Variants in ITGA11 observed in about 807,000 individuals in gnomAD.
ITGA11 encodes integrin alpha-11.
In ITGA11, 97 loss-of-function variants were observed where a neutral mutation model predicts 141.9. The ratio of observed to expected loss-of-function variants is 0.68; its 90% CI spans 0.58 to 0.81. The LOEUF is 0.81. Among genes scored for constraint, ITGA11 ranks in the 30% least tolerant of loss-of-function variants. The pLI, the probability that ITGA11 is intolerant of heterozygous loss-of-function variation, is 0.00. For missense variants in ITGA11, 1,387 were observed against 1,559.2 expected (o/e 0.89, Z 1.86); for synonymous variants, 658 against 624.6 (o/e 1.05, Z -0.80).
In ITGA11 at chr15:68,303,898, G is replaced by C. The variant is rs746568016; in HGVS notation, c.3382-13C>G. 1.9e-6 allele frequency: 3 copies of C among 1,577,574 alleles called. No individual in the cohort carries two copies. Among genetic ancestry groups the C allele is most frequent in the East Asian group, 2.2e-5 (1 of 44,524 alleles). On this transcript the variant is annotated splice_polypyrimidine_tract_variant and intron_variant, in intron 28 of 29. Coordinates refer to ENST00000315757, the MANE Select transcript of ITGA11 (RefSeq NM_001004439.2). This position sits in a 1 kb window ranked among gnomAD's most constrained non-coding sequence, Gnocchi z 5.3. ...TCTCAAACACGATCTGCAAGGGGAG[G>C]GGGGCCGGGCCAACAGCATTACTCT...
At chr15:68,347,037 C>A (rs1158323772) in intron 10 of ITGA11, among the ~76,000 whole-genome samples, 2 of 152,222 alleles carry the variant, frequency 1.3e-5, no homozygotes, top group Non-Finnish European at 1.5e-5. Context: ...TGGCAAGAAT[C>A]ATTTCCGGGT....
chr15:68,421,401 C>T (rs1304848630), intron 1 of ITGA11, among the ~76,000 whole-genome samples: 4 of 152,140 alleles, frequency 2.6e-5, no homozygotes, highest in African/African-American at 4.8e-5. Flanking sequence ...CCAGATCACA[C>T]GGGACCTCTT....
intron 10 of ITGA11, among the ~76,000 whole-genome samples, chr15:68,344,915 G>T (rs1180482205): frequency 6.6e-6 from 1 of 152,156 alleles, no homozygotes; most frequent in Non-Finnish European, 1.5e-5. Flanking sequence ...GGATTCCAGT[G>T]TAGGAAGGCG....
chr15:68,315,817 G>T, intron 21 of ITGA11, 90 bp from the exon 22 acceptor site: 2 of 1,101,054 alleles, frequency 1.8e-6, no homozygotes, highest in Non-Finnish European at 2.6e-6. Flanking sequence ...CTGCTGGCTT[G>T]GGGAGAGGGA....
chr15:68,313,244 C>T (rs1045364075), intron 23 of ITGA11, among the ~76,000 whole-genome samples: 3 of 151,740 alleles, frequency 2.0e-5, no homozygotes, highest in Admixed American at 1.3e-4. Context: ...TGCTGTTCTG[C>T]CCTGACTTCT....
intron 2 of ITGA11, among the ~76,000 whole-genome samples, chr15:68,388,307 C>T (rs774172724): frequency 1.2e-4 from 18 of 152,114 alleles, no homozygotes; most frequent in Non-Finnish European, 1.8e-4. Context: ...ACTTGTCATT[C>T]CTTCTGCCTG....
At position 68,339,495 on chromosome 15, in the gene ITGA11, C is replaced by G; in HGVS notation, c.1276+5G>C. On this transcript the variant is annotated splice_donor_5th_base_variant and intron_variant, in intron 11 of 29. Coordinates refer to ENST00000315757, the MANE Select transcript of ITGA11 (RefSeq NM_001004439.2). ...CGCCAGCCTCCCCTCACTCTGCGCT[C>G]TTACCCAGGTATGCACCATGGTTCT... 6.2e-7 allele frequency: 1 copy of G among 1,611,614 alleles called. No individual in the cohort carries two copies. The highest frequency in any genetic ancestry group is 8.5e-7 in the Non-Finnish European group (1 of 1,178,850).
At chr15:68,401,856 T>G (rs965287103) in intron 2 of ITGA11, among the ~76,000 whole-genome samples, 1 of 152,158 alleles carries the variant, frequency 6.6e-6, no homozygotes, top group Admixed American at 6.5e-5. Flanking sequence ...GGTAGAAAGA[T>G]AATAAGTAAG....
chr15:68,338,782 T>C (rs1894456952), intron 11 of ITGA11, among the ~76,000 whole-genome samples: 1 of 152,196 alleles, frequency 6.6e-6, no homozygotes, highest in Non-Finnish European at 1.5e-5. Flanking sequence ...GAGGCCTCAA[T>C]GAGGAGTAAC....
intron 1 of ITGA11, among the ~76,000 whole-genome samples, chr15:68,407,647 G>GA (rs534010419): frequency 6.6e-6 from 1 of 152,092 alleles, no homozygotes; most frequent in Non-Finnish European, 1.5e-5. Flanking sequence ...GACAGAGGGG[G>GA]AAAAAAACCA....
chr15:68,383,617 C>T (rs1031026992), intron 2 of ITGA11, among the ~76,000 whole-genome samples: 1 of 152,206 alleles, frequency 6.6e-6, no homozygotes, highest in Non-Finnish European at 1.5e-5. Flanking sequence ...GGCTATCTTG[C>T]ACCCCCTAGT....
intron 10 of ITGA11, among the ~76,000 whole-genome samples, chr15:68,347,633 C>G (rs1317341630): frequency 6.6e-6 from 1 of 152,128 alleles, no homozygotes; most frequent in Non-Finnish European, 1.5e-5. Flanking sequence ...GACTCAGACC[C>G]CCGGAGATTC....
In ITGA11 at chr15:68,425,899, G is replaced by GCCC. The variant is rs554358266; in HGVS notation, c.52+6113_52+6115dup. On this transcript the variant is annotated intron_variant, in intron 1 of 29. Transcript: ENST00000315757. ...CTTCTCTGTGTCATCCTGTTTGGAA[G>GCCC]CCCGGAGTGCATTGCTATAGCAACT... Among the ~76,000 whole-genome samples the GCCC allele has an allele frequency of 2.8e-3, 426 of 152,338 alleles. 2 individuals carry two copies. Among genetic ancestry groups the GCCC allele is most frequent in the Non-Finnish European group, 4.9e-3 (331 of 68,032 alleles).
chr15:68,428,012 C>T (rs758291831), intron 1 of ITGA11, among the ~76,000 whole-genome samples: 9 of 152,096 alleles, frequency 5.9e-5, no homozygotes, highest in Non-Finnish European at 1.3e-4. Context: ...TTGTAGCTGA[C>T]CTTCCCTGAG....
chr15:68,306,675 T>C (rs973057006), intron 28 of ITGA11, among the ~76,000 whole-genome samples: 7 of 152,232 alleles, frequency 4.6e-5, no homozygotes, highest in African/African-American at 1.7e-4. Flanking sequence ...CCCCCTGCCC[T>C]GGCTGTGATT....
At position 68,315,635 on chromosome 15, in the gene ITGA11, C is replaced by G; in HGVS notation, c.2792+16G>C. 2 of 1,607,606 alleles carry G rather than the reference C, an allele frequency of 1.2e-6. No individual in the cohort carries two copies. The highest frequency in any genetic ancestry group is 1.3e-5 in the African/African-American group (1 of 74,816). ...AATAGCAAGCTTTGGGGAGAAGGAGCAGGCACGGCCCTGACCTGCCTGCAG... is the reference window on the plus strand; with the variant it reads ...AATAGCAAGCTTTGGGGAGAAGGAGGAGGCACGGCCCTGACCTGCCTGCAG... On this transcript the variant is annotated intron_variant, in intron 22 of 29. Coordinates refer to ENST00000315757, the MANE Select transcript of ITGA11 (RefSeq NM_001004439.2).
Position 68,335,854 on chromosome 15 carries a change from G to C in ITGA11, c.1277-9C>G. Reference sequence around the variant, plus strand: ...CGATGTGACTGTGTACCCTGCCACAGGAGGAAACAGGCTGATCTTTGGCAC... The same window carrying C: ...CGATGTGACTGTGTACCCTGCCACACGAGGAAACAGGCTGATCTTTGGCAC... On this transcript the variant is annotated splice_polypyrimidine_tract_variant and intron_variant, in intron 11 of 29. Transcript: ENST00000315757. The surrounding 1 kb of genome is among the most constrained non-coding windows in gnomAD (Gnocchi z 4.9). 6.2e-7 allele frequency: 1 copy of C among 1,611,472 alleles called. No homozygotes were observed. Among genetic ancestry groups the C allele is most frequent in the Non-Finnish European group, 8.5e-7 (1 of 1,178,802 alleles).
intron 10 of ITGA11, among the ~76,000 whole-genome samples, chr15:68,347,707 A>G (rs1302938619): frequency 2.0e-5 from 3 of 152,056 alleles, no homozygotes; most frequent in Non-Finnish European, 4.4e-5. Flanking sequence ...TTTCTGAAGA[A>G]TTTTACTCCA....
In ITGA11 at chr15:68,351,394, G is replaced by T; in HGVS notation, c.758C>A (p.Ala253Asp). 9 of 1,613,872 alleles carry T rather than the reference G, an allele frequency of 5.6e-6. No homozygotes were observed. Among genetic ancestry groups the T allele is most frequent in the Non-Finnish European group, 6.8e-6 (8 of 1,179,872 alleles). Reference protein sequence around the residue: ...AFGIEFARSEAFQKGGRKGAK... With the variant: ...AFGIEFARSEDFQKGGRKGAK... ...TCCTTTCCTTCCACCCTTCTGGAAAGCCTCTGAGCTGGAAGCCAAGCACAG... is the reference window on the plus strand; with the variant it reads ...TCCTTTCCTTCCACCCTTCTGGAAATCCTCTGAGCTGGAAGCCAAGCACAG... Residue 253 changes from alanine (A) to aspartate (D), a missense_variant, in exon 8 of 30, where the codon GCT (alanine) becomes GAT (aspartate). By Grantham distance (126) the Ala-to-Asp change is moderately radical (BLOSUM62 -2). Coordinates refer to ENST00000315757, the MANE Select transcript of ITGA11 (RefSeq NM_001004439.2).
Sources: gnomAD v4.1 joint callset for allele counts (sites outside exome capture counted in the v4.1 genomes callset) on GRCh38, gnomAD v4.1.1 for gene constraint, Gnocchi (gnomAD v3.1) non-coding constraint, MANE v1.5 for transcripts, NCBI Gene and HGNC (gene_info 2026-07-23, HGNC 2026-07-21) for gene names.